Variants in GRID2 observed in about 807,000 individuals in gnomAD.
The protein encoded by GRID2 is glutamate receptor ionotropic, delta-2.
A neutral mutation model predicts 114.8 loss-of-function variants in GRID2; 33 were observed. The observed-to-expected ratio is 0.29, with a 90% CI of 0.22 to 0.38. The LOEUF (loss-of-function observed/expected upper bound fraction) is 0.38, where lower values mean the gene tolerates loss of function less well. GRID2 is among the 10% of genes least tolerant of loss of function. The pLI is 1.00. For missense variants in GRID2, 1,184 were observed against 1,257.7 expected, an observed-to-expected ratio of 0.94 and a Z score of 0.89; for synonymous variants, 505 against 449.9, an observed-to-expected ratio of 1.12 and a Z score of -1.55.
In GRID2 at chr4:92,315,772, A is replaced by T. The variant is rs546096625; in HGVS notation, c.88+11028A>T. On this transcript the variant is annotated intron_variant, in intron 1 of 15. Transcript: ENST00000282020. Reference sequence around the variant, plus strand: ...GATCACCTGAGGTCAGGAGTTCAAGATCAGCCTGACCAACATGGTGAAACC... The same window carrying T: ...GATCACCTGAGGTCAGGAGTTCAAGTTCAGCCTGACCAACATGGTGAAACC... Among the ~76,000 whole-genome samples the T allele has an allele frequency of 4.6e-5, 7 of 152,132 alleles. No homozygotes were observed. In the East Asian group the frequency reaches 1.2e-3, roughly 25 times the overall value.
intron 1 of GRID2, among the ~76,000 whole-genome samples, chr4:92,490,201 T>C (rs1723086245): frequency 6.6e-6 from 1 of 152,272 alleles, no homozygotes; most frequent in African/African-American, 2.4e-5. Flanking sequence ...ATTAATAAGA[T>C]AGCAAATATA....
intron 2 of GRID2, among the ~76,000 whole-genome samples, chr4:92,618,117 T>A (rs1033153469): frequency 6.6e-6 from 1 of 151,758 alleles, no homozygotes; most frequent in Non-Finnish European, 1.5e-5. Flanking sequence ...ATTTTTCTTA[T>A]GTTTTCTTCT....
intron 1 of GRID2, among the ~76,000 whole-genome samples, chr4:92,515,946 C>T (rs533523847): frequency 6.6e-6 from 1 of 151,980 alleles, no homozygotes; most frequent in African/African-American, 2.4e-5. Flanking sequence ...GATAGTCAGG[C>T]TCATATGGAG....
intron 2 of GRID2, among the ~76,000 whole-genome samples, chr4:92,900,176 C>T (rs1265317863): frequency 6.6e-6 from 1 of 152,148 alleles, no homozygotes; most frequent in Non-Finnish European, 1.5e-5. Flanking sequence ...CTGAGTGACA[C>T]AAAGTGGCTT....
intron 2 of GRID2, among the ~76,000 whole-genome samples, chr4:93,067,691 GA>G (rs199752501): frequency 5.3e-5 from 8 of 150,194 alleles, no homozygotes; most frequent in Non-Finnish European, 1.0e-4. Context: ...TCTTCAGTTA[GA>G]AAAAAAAACT....
chr4:93,588,582 C>T lies in GRID2; in HGVS notation c.2194-37687C>T, dbSNP rs570802995. 1.1e-3 allele frequency among the ~76,000 whole-genome samples: 175 copies of T among 152,198 alleles called. 1 individual carries two copies. The highest frequency in any genetic ancestry group is 4.1e-3 in the African/African-American group (169 of 41,514). ...ATTATTGTCTATGTTTTTCTGTTGC[C>T]ATCAGCTAATGCTCTCATTCTGATT... On this transcript the variant is annotated intron_variant, in intron 13 of 15. Transcript: ENST00000282020.
At chr4:93,095,492 GA>G in intron 3 of GRID2, among the ~76,000 whole-genome samples, 1 of 152,030 alleles carries the variant, frequency 6.6e-6, no homozygotes, top group South Asian at 2.1e-4. Flanking sequence ...AAAACACAAA[GA>G]ATTTGAAAAG....
intron 4 of GRID2, among the ~76,000 whole-genome samples, chr4:93,174,560 C>A (rs1204435446): frequency 6.6e-6 from 1 of 152,082 alleles, no homozygotes; most frequent in Non-Finnish European, 1.5e-5. Context: ...GAGATAGGGT[C>A]TTTCGGGTTA....
At chr4:93,356,884 AC>A (rs1463000243) in intron 8 of GRID2, among the ~76,000 whole-genome samples, 2 of 151,802 alleles carry the variant, frequency 1.3e-5, no homozygotes, top group Admixed American at 6.6e-5. Flanking sequence ...TTTTATGACA[AC>A]AAATATGTGT....
chr4:93,556,981 CAG>C (rs1734383625), intron 13 of GRID2, among the ~76,000 whole-genome samples: 1 of 152,132 alleles, frequency 6.6e-6, no homozygotes, highest in South Asian at 2.1e-4. Flanking sequence ...ACTTCATATC[CAG>C]CCAAACTAAG....
intron 6 of GRID2, among the ~76,000 whole-genome samples, chr4:93,220,277 T>C (rs967927608): frequency 3.9e-5 from 6 of 151,934 alleles, no homozygotes; most frequent in Non-Finnish European, 7.4e-5. Flanking sequence ...GAGAATGTCA[T>C]AAATCTATGT....
At chr4:93,421,153 G>A (rs1768243345) in intron 9 of GRID2, among the ~76,000 whole-genome samples, 1 of 151,924 alleles carries the variant, frequency 6.6e-6, no homozygotes, top group Admixed American at 6.6e-5. Context: ...ATAGTTACCA[G>A]AGCACCAGCC....
intron 8 of GRID2, among the ~76,000 whole-genome samples, chr4:93,316,634 T>C (rs1756692650): frequency 6.6e-6 from 1 of 152,124 alleles, no homozygotes; most frequent in Non-Finnish European, 1.5e-5. Context: ...TCACATTCCT[T>C]AAAAGGACAA....
At chr4:93,077,096 CT>C (rs1440961946) in intron 2 of GRID2, among the ~76,000 whole-genome samples, 2 of 152,150 alleles carry the variant, frequency 1.3e-5, no homozygotes, top group East Asian at 3.9e-4. Flanking sequence ...ATCAAGCCAG[CT>C]TAAAGACAGT....
chr4:93,413,871 C>T (rs1580001114), intron 9 of GRID2, among the ~76,000 whole-genome samples: 1 of 152,102 alleles, frequency 6.6e-6, no homozygotes, highest in Admixed American at 6.6e-5. Flanking sequence ...GTATTCAGTG[C>T]TGCAGGTTTT....
At chr4:93,528,700 G>A (rs1255704029) in intron 13 of GRID2, among the ~76,000 whole-genome samples, 2 of 152,064 alleles carry the variant, frequency 1.3e-5, no homozygotes, top group Non-Finnish European at 2.9e-5. Context: ...CTCAAAGACA[G>A]AAGAGACCAA....
intron 2 of GRID2, among the ~76,000 whole-genome samples, chr4:92,973,072 C>T (rs976124240): frequency 6.6e-6 from 1 of 151,958 alleles, no homozygotes; most frequent in East Asian, 1.9e-4. Context: ...TGAACATATG[C>T]GTGGATGTGT....
chr4:93,279,950 G>A (rs1008573911), intron 8 of GRID2, among the ~76,000 whole-genome samples: 2 of 151,892 alleles, frequency 1.3e-5, no homozygotes, highest in Non-Finnish European at 2.9e-5. Flanking sequence ...CCATGTGACA[G>A]GTTTTTGTGA....
chr4:93,022,044 T>A (rs1333122370), intron 2 of GRID2, among the ~76,000 whole-genome samples: 1 of 151,298 alleles, frequency 6.6e-6, no homozygotes, highest in Non-Finnish European at 1.5e-5. Context: ...ATACAGAAAA[T>A]ATATTATTCA....
Sources: allele counts gnomAD v4.1 joint callset (sites outside exome capture counted in the v4.1 genomes callset), GRCh38; gene constraint gnomAD v4.1.1; transcripts MANE v1.5; gene names NCBI Gene and HGNC (gene_info 2026-07-23, HGNC 2026-07-21).